CMPK1: variants seen among roughly 807,000 people sequenced by gnomAD.
CMPK1 encodes UMP-CMP kinase.
In CMPK1, 10 loss-of-function variants were observed where a neutral mutation model predicts 25.7. The ratio of observed to expected loss-of-function variants is 0.39; its 90% CI spans 0.24 to 0.66. The LOEUF (loss-of-function observed/expected upper bound fraction) is 0.66. Ranked by LOEUF, CMPK1 falls within the 30% of genes least tolerant of loss-of-function variation. The pLI, the probability that CMPK1 is intolerant of heterozygous loss-of-function variation, is 0.48. For missense variants in CMPK1, 199 were observed against 280.5 expected, an observed-to-expected ratio of 0.71 and a Z score of 2.08; for synonymous variants, 106 against 101.5, an observed-to-expected ratio of 1.04 and a Z score of -0.27.
intron 1 of CMPK1, among the ~76,000 whole-genome samples, chr1:47,335,904 A>G (rs911780735): frequency 6.6e-6 from 1 of 151,782 alleles, no homozygotes; most frequent in African/African-American, 2.4e-5. Context: ...CTGGGATTAC[A>G]GGCGTGCGCC....
At chr1:47,369,619 T>C (rs1646662586) in intron 2 of CMPK1, among the ~76,000 whole-genome samples, 1 of 151,914 alleles carries the variant, frequency 6.6e-6, no homozygotes, top group Non-Finnish European at 1.5e-5. Flanking sequence ...TGGAGTGTAG[T>C]GGCGCGATCT....
chr1:47,346,096 C>T (rs570513284), intron 1 of CMPK1, among the ~76,000 whole-genome samples: 1 of 152,098 alleles, frequency 6.6e-6, no homozygotes, highest in South Asian at 2.1e-4. Context: ...GTCACCCAGG[C>T]TGGAGTGCAG....
intron 1 of CMPK1, among the ~76,000 whole-genome samples, chr1:47,352,988 C>G (rs141887470): frequency 2.0e-5 from 3 of 152,184 alleles, no homozygotes; most frequent in African/African-American, 4.8e-5. Flanking sequence ...GATGATTTCT[C>G]TCACACTTCT....
intron 1 of CMPK1, among the ~76,000 whole-genome samples, chr1:47,356,059 G>C (rs1557808430): frequency 6.6e-6 from 1 of 152,186 alleles, no homozygotes; most frequent in East Asian, 1.9e-4. Flanking sequence ...AATCCTAGCT[G>C]TTTTGGTTCT....
chr1:47,351,021 A>C (rs1224197440), intron 1 of CMPK1, among the ~76,000 whole-genome samples: 1 of 152,022 alleles, frequency 6.6e-6, no homozygotes, highest in Non-Finnish European at 1.5e-5. Context: ...TACCTCATAT[A>C]AGTAGAATTA....
At chr1:47,341,373 T>A (rs1299715580) in intron 1 of CMPK1, among the ~76,000 whole-genome samples, 1 of 152,176 alleles carries the variant, frequency 6.6e-6, no homozygotes, top group East Asian at 1.9e-4. Context: ...TGTTTGTTTG[T>A]TTGTTTTGAG....
At chr1:47,343,105 A>G (rs1461324704) in intron 1 of CMPK1, among the ~76,000 whole-genome samples, 1 of 147,012 alleles carries the variant, frequency 6.8e-6, no homozygotes, top group East Asian at 2.1e-4. Context: ...TTGTGCCTCC[A>G]CTTCCCGAGT....
chr1:47,346,425 A>G (rs1016624254), intron 1 of CMPK1, among the ~76,000 whole-genome samples: 7 of 152,018 alleles, frequency 4.6e-5, no homozygotes, highest in Admixed American at 4.6e-4. Flanking sequence ...ACTGTTTCTC[A>G]TACGCTGGAA....
intron 1 of CMPK1, among the ~76,000 whole-genome samples, chr1:47,353,997 G>A (rs1398750353): frequency 2.0e-5 from 3 of 152,220 alleles, no homozygotes; most frequent in Non-Finnish European, 2.9e-5. Flanking sequence ...GATTACAGGC[G>A]TGAGCCACTG....
chr1:47,334,013 G>A lies in CMPK1; in HGVS notation c.68G>A (p.Arg23Gln), dbSNP rs1224330802. ...CTTAGCTTCCTGCTGCAGACCCGCC[G>A]GCCGATTCTCCTCTGCTCTCCACGT... ...LGLSFLLQTRRPILLCSPRLM... is the reference protein window; with the variant it reads ...LGLSFLLQTRQPILLCSPRLM... The change falls in exon 1 of 6, where the codon CGG (arginine) becomes CAG (glutamine). Residue 23 changes from arginine to glutamine, a missense_variant. Around this residue, in one of 2 missense-constraint regions of CMPK1, gnomAD observed 59 missense variants for 45.1 expected, o/e 1.31. Coordinates refer to ENST00000371873, the MANE Select transcript of CMPK1 (RefSeq NM_016308.3). 1.3e-6 allele frequency: 2 copies of A among 1,547,818 alleles called. No homozygotes were observed. Among genetic ancestry groups the A allele is most frequent in the African/African-American group, 1.4e-5 (1 of 71,422 alleles).
chr1:47,345,473 G>A (rs114963585), intron 1 of CMPK1, among the ~76,000 whole-genome samples: 3,317 of 149,456 alleles, frequency 0.022, 130 homozygotes, highest in East Asian at 0.2. Flanking sequence ...AAAATTAGGA[G>A]AAAAAAAGTA....
In CMPK1 at chr1:47,335,728, A is replaced by T. The variant is rs546910331; in HGVS notation, c.171+1612A>T. 8.1e-3 allele frequency among the ~76,000 whole-genome samples: 1,221 copies of T among 150,772 alleles called. 17 individuals carry two copies. The highest frequency in any genetic ancestry group is 0.026 in the African/African-American group (1,063 of 41,142). On this transcript the variant is annotated intron_variant, in intron 1 of 5. Transcript: ENST00000371873. ...ATAACATTTACATCCTCTTAAAAAA[A>T]TTTTTTTTTGTTGGTTCTCTTTCTT...
intron 1 of CMPK1, among the ~76,000 whole-genome samples, chr1:47,344,400 C>T (rs955908903): frequency 3.3e-5 from 5 of 151,924 alleles, no homozygotes; most frequent in African/African-American, 4.8e-5. Flanking sequence ...GAGGGTAAAC[C>T]GACATACGTG....
In CMPK1 at chr1:47,375,299, T is replaced by C; in HGVS notation, c.645+6T>C. On this transcript the variant is annotated splice_donor_region_variant and intron_variant, in intron 5 of 5. Transcript: ENST00000371873. ...CTTCTAAATCTGTTGATGAAGTAAG[T>C]GTTCCTAGCCTGTCTTTAAAAAAAT... 1 of 1,540,434 alleles carries C rather than the reference T, an allele frequency of 6.5e-7. No homozygotes were observed. Among genetic ancestry groups the C allele is most frequent in the Non-Finnish European group, 8.9e-7 (1 of 1,127,938 alleles).
At position 47,333,998 on chromosome 1, in the gene CMPK1, T is replaced by C. The variant is rs1646375586; in HGVS notation, c.53T>C (p.Leu18Pro). Residue 18 changes from leucine to proline, a missense_variant, in exon 1 of 6, where the codon CTG becomes CCG. By Grantham distance (98) the Leu-to-Pro change is moderately conservative (BLOSUM62 -3). Transcript: ENST00000371873. ...GLLHVLGLSFLLQTRRPILLC... is the reference protein window; with the variant it reads ...GLLHVLGLSFPLQTRRPILLC... ...CTCCACGTCCTGGGCCTTAGCTTCCTGCTGCAGACCCGCCGGCCGATTCTC... is the reference window on the plus strand; with the variant it reads ...CTCCACGTCCTGGGCCTTAGCTTCCCGCTGCAGACCCGCCGGCCGATTCTC... 2 of 1,540,688 alleles carry C rather than the reference T, an allele frequency of 1.3e-6. No homozygotes were observed. Among genetic ancestry groups the C allele is most frequent in the East Asian group, 5.1e-5 (2 of 39,238 alleles).
chr1:47,342,225 GTGCC>G (rs1259207013), intron 1 of CMPK1, among the ~76,000 whole-genome samples: 2 of 152,154 alleles, frequency 1.3e-5, no homozygotes, highest in Middle Eastern at 3.4e-3. Flanking sequence ...GGGATTACAG[GTGCC>G]TGCCACCACA....
intron 1 of CMPK1, among the ~76,000 whole-genome samples, chr1:47,354,378 AT>A (rs59685566): frequency 0.27 from 40,655 of 151,972 alleles, 5,719 homozygotes; most frequent in Non-Finnish European, 0.31. Flanking sequence ...TAAAACTAAA[AT>A]TTTTAAAGTT....
At chr1:47,334,185 C>T (rs1646378318) in intron 1 of CMPK1, 69 bp downstream of exon 1, 2 of 1,235,266 alleles carry the variant, frequency 1.6e-6, no homozygotes, top group Middle Eastern at 3.1e-4. Context: ...CCCGCCGCCC[C>T]TAGTCCGCGC....
chr1:47,357,608 C>T (rs1014822818), intron 1 of CMPK1, among the ~76,000 whole-genome samples: 3 of 151,742 alleles, frequency 2.0e-5, no homozygotes, highest in Non-Finnish European at 2.9e-5. Flanking sequence ...CCTCAGTCTC[C>T]TGAGTAGCTG....
Sources: gnomAD v4.1 joint callset for allele counts (sites outside exome capture counted in the v4.1 genomes callset) on GRCh38, gnomAD v4.1.1 for gene constraint, gnomAD v4.1.1 regional missense constraint, MANE v1.5 for transcripts, NCBI Gene and HGNC (gene_info 2026-07-23, HGNC 2026-07-21) for gene names.